AADAT: variants seen among roughly 807,000 people sequenced by gnomAD.
AADAT encodes the protein aminoadipate aminotransferase, also known as kynurenine/alpha-aminoadipate aminotransferase, mitochondrial.
Under a neutral mutation model 56.2 loss-of-function variants are expected in AADAT, and 25 were observed. That is an observed-to-expected ratio of 0.44 (90% CI 0.32 to 0.62). The LOEUF is 0.62. Among genes scored for constraint, AADAT ranks in the 20% least tolerant of loss-of-function variants. The probability of loss-of-function intolerance (pLI) is 0.04; values close to 1 mark genes in which losing one functional copy is unlikely to be tolerated. For missense variants in AADAT, 387 were observed against 510.5 expected (o/e 0.76, Z 2.33); for synonymous variants, 173 against 164.7 (o/e 1.05, Z -0.39).
intron 6 of AADAT, 89 bp downstream of exon 6, chr4:170,070,498 A>C: frequency 1.2e-6 from 1 of 858,662 alleles, no homozygotes; most frequent in Non-Finnish European, 1.9e-6. Flanking sequence ...ATTAGTTCTG[A>C]CTCAGCAGTC....
In AADAT at chr4:170,060,889, A is replaced by G; in HGVS notation, c.*39T>C. 6.6e-7 allele frequency: 1 copy of G among 1,507,642 alleles called. No homozygotes were observed. Among genetic ancestry groups the G allele is most frequent in the Non-Finnish European group, 8.9e-7 (1 of 1,121,162 alleles). 93.4% of individuals were successfully genotyped at this position (1,507,642 alleles called of 1,614,324 possible). On this transcript the variant is annotated 3_prime_UTR_variant, in exon 13 of 13. Coordinates refer to ENST00000337664, the MANE Select transcript of AADAT (RefSeq NM_016228.4). Reference sequence around the variant, plus strand: ...CTCTGCCTCCCAAAGTGCTGGGATTATAGGTGTGAGCCACCATGCCCAACC... The same window carrying G: ...CTCTGCCTCCCAAAGTGCTGGGATTGTAGGTGTGAGCCACCATGCCCAACC...
rs1172442633 is a variant in AADAT at position 170,087,253 on chromosome 4, A to G, written c.237-5T>C. The stretch of plus-strand genomic sequence containing the variant: ...CAGGACAAAAGCTCTGGAATTCTAA[A>G]GCAAAAAATGTATATTTAAATTCAT... On this transcript the variant is annotated splice_polypyrimidine_tract_variant and splice_region_variant and intron_variant, in intron 2 of 12. Coordinates refer to ENST00000337664, the MANE Select transcript of AADAT (RefSeq NM_016228.4). The G allele has an allele frequency of 6.2e-6, 10 of 1,609,646 alleles. No homozygotes were observed. The highest frequency in any genetic ancestry group is 2.7e-5 in the African/African-American group (2 of 74,676).
At chr4:170,063,219 AGCT>A (rs1731281382) in intron 11 of AADAT, among the ~76,000 whole-genome samples, 1 of 152,216 alleles carries the variant, frequency 6.6e-6, no homozygotes, top group Non-Finnish European at 1.5e-5. Flanking sequence ...AGAAGCAAGG[AGCT>A]GAAAGAGAAG....
At chr4:170,088,868 A>G (rs1732694670) in intron 1 of AADAT, among the ~76,000 whole-genome samples, 1 of 152,146 alleles carries the variant, frequency 6.6e-6, no homozygotes, top group Non-Finnish European at 1.5e-5. Flanking sequence ...ACGTGAGGAC[A>G]TAGGTTCTCC....
chr4:170,089,147 C>G (rs985233967), intron 1 of AADAT: 4 of 254,376 alleles, frequency 1.6e-5, no homozygotes, highest in Middle Eastern at 8.7e-4. Flanking sequence ...TGAAGGTGAC[C>G]AAAGAGAAGG....
At chr4:170,068,136 C>G (rs1414776232) in intron 8 of AADAT, among the ~76,000 whole-genome samples, 3 of 115,168 alleles carry the variant, frequency 2.6e-5, no homozygotes, top group African/African-American at 1.0e-4. Context: ...AAGACTCTGT[C>G]TCAAAAAAAA....
In AADAT at chr4:170,089,729, G is replaced by T; in HGVS notation, c.-39C>A. On this transcript the variant is annotated 5_prime_UTR_variant, in exon 1 of 13. Transcript: ENST00000337664. ...CAAGCATCAAGCTTCTTCTTCAGTGGTTGAGGACTAGAAAAACCAAAGAGC... is the reference window on the plus strand; with the variant it reads ...CAAGCATCAAGCTTCTTCTTCAGTGTTTGAGGACTAGAAAAACCAAAGAGC... 1 of 1,608,394 alleles carries T rather than the reference G, an allele frequency of 6.2e-7. No individual in the cohort carries two copies. Among genetic ancestry groups the T allele is most frequent in the Non-Finnish European group, 8.5e-7 (1 of 1,175,362 alleles).
At chr4:170,094,281 C>CA (rs1732942584), upstream of AADAT, among the ~76,000 whole-genome samples, 2 of 152,162 alleles carry the variant, frequency 1.3e-5, no homozygotes, top group Admixed American at 1.3e-4. Context: ...GCTTACCAGA[C>CA]AATAGAAGCT....
chr4:170,062,693 CTGTGTG>C (rs1191590760), intron 11 of AADAT, among the ~76,000 whole-genome samples: 1 of 152,146 alleles, frequency 6.6e-6, no homozygotes, highest in African/African-American at 2.4e-5. Flanking sequence ...CTCTTTCTAG[CTGTGTG>C]TGACCATGAG....
At chr4:170,076,492 T>C (rs558287300) in intron 4 of AADAT, among the ~76,000 whole-genome samples, 218 of 152,332 alleles carry the variant, frequency 1.4e-3, no homozygotes, top group Non-Finnish European at 2.3e-3. Context: ...ATCTTTTATG[T>C]GCTTATTGGC....
At chr4:170,093,922 G>C (rs1396065434), upstream of AADAT, among the ~76,000 whole-genome samples, 1 of 152,196 alleles carries the variant, frequency 6.6e-6, no homozygotes. Flanking sequence ...TTAAAAATAC[G>C]TAATTAATTG....
chr4:170,080,596 C>T (rs536526996), intron 3 of AADAT, among the ~76,000 whole-genome samples: 1 of 152,342 alleles, frequency 6.6e-6, no homozygotes, highest in South Asian at 2.1e-4. Context: ...TGTTCAGCAG[C>T]ACCACACTGC....
rs757032802 is a variant in AADAT, at chr4:170,068,640, ACTCT to A, written c.847_850del (p.Arg283LeufsTer19). On this transcript the variant is annotated frameshift_variant, in exon 8 of 13. Coordinates refer to ENST00000337664, the MANE Select transcript of AADAT (RefSeq NM_016228.4). LOFTEE classifies it high-confidence loss of function. ...TGTTGAAACTTGTATGTGTAAAATA[ACTCT>A]CTCTATTAAGGGTTTTGGACCAGTT... 1.7e-5 allele frequency: 28 copies of A among 1,608,568 alleles called. No individual in the cohort carries two copies. Among genetic ancestry groups the A allele is most frequent in the South Asian group, 3.3e-5 (3 of 89,556 alleles).
chr4:170,073,000 T>C, intron 5 of AADAT, 136 bp downstream of exon 5: 2 of 732,450 alleles, frequency 2.7e-6, no homozygotes, highest in Non-Finnish European at 4.4e-6. Context: ...ACCCTGAGCA[T>C]ATATGATTTC....
chr4:170,069,069 T>C (rs940856278), intron 7 of AADAT, 79 bp downstream of exon 7: 6 of 1,239,638 alleles, frequency 4.8e-6, no homozygotes, highest in South Asian at 1.5e-5. Context: ...GTGAAAAAAA[T>C]TGTCTAGACT....
chr4:170,071,723 T>C (rs1482605875), intron 5 of AADAT, among the ~76,000 whole-genome samples: 1 of 151,964 alleles, frequency 6.6e-6, no homozygotes, highest in Non-Finnish European at 1.5e-5. Flanking sequence ...GAAGAAGGCA[T>C]TGGAGGAGTC....
At chr4:170,083,658 A>C (rs1351374936) in intron 3 of AADAT, among the ~76,000 whole-genome samples, 27 of 152,162 alleles carry the variant, frequency 1.8e-4, no homozygotes, top group Admixed American at 1.8e-3. Flanking sequence ...TTACCAATGC[A>C]ATCAGAAAAA....
Position 170,073,121 on chromosome 4 carries a change from A to G in AADAT, c.654+15T>C, listed in dbSNP as rs773314886. 6.2e-7 allele frequency: 1 copy of G among 1,612,460 alleles called. No individual in the cohort carries two copies. Among genetic ancestry groups the G allele is most frequent in the South Asian group, 1.1e-5 (1 of 90,852 alleles). ...AACAGGAACACAACTACTTTAACCC[A>G]TTCTTCTACAATACCTCATAGATTT... On this transcript the variant is annotated intron_variant, in intron 5 of 12. Transcript: ENST00000337664.
upstream of AADAT, among the ~76,000 whole-genome samples, chr4:170,092,277 C>T (rs750210060): frequency 2.0e-5 from 3 of 152,208 alleles, no homozygotes; most frequent in South Asian, 2.1e-4. Flanking sequence ...TGAGTTGTAA[C>T]ACTCACCGCG....
Sources: allele counts gnomAD v4.1 joint callset (sites outside exome capture counted in the v4.1 genomes callset), GRCh38; gene constraint gnomAD v4.1.1; transcripts MANE v1.5; gene names NCBI Gene and HGNC (gene_info 2026-07-23, HGNC 2026-07-21).